CHRM3: variants seen among roughly 807,000 people sequenced by gnomAD.
CHRM3 encodes cholinergic receptor muscarinic 3, also known as muscarinic acetylcholine receptor M3.
In CHRM3, 11 loss-of-function variants were observed where a neutral mutation model predicts 41.8. That is an observed-to-expected ratio of 0.26 (90% CI 0.17 to 0.44). CHRM3 has a LOEUF of 0.44. CHRM3 is among the 20% of genes least tolerant of loss of function. The probability of loss-of-function intolerance (pLI) is 1.00; values close to 1 mark genes in which losing one functional copy is unlikely to be tolerated. For synonymous variants in CHRM3, 297 were observed against 301.4 expected (o/e 0.99, Z 0.15); for missense variants, 571 against 745.4 (o/e 0.77, Z 2.72).
chr1:239,597,208 TC>T (rs1664878190), intron 3 of CHRM3, among the ~76,000 whole-genome samples: 1 of 152,192 alleles, frequency 6.6e-6, no homozygotes, highest in African/African-American at 2.4e-5. Flanking sequence ...TTTAGACATT[TC>T]CTATGAACTG....
At chr1:239,806,001 T>A (rs1356178281) in intron 5 of CHRM3, among the ~76,000 whole-genome samples, 1 of 152,170 alleles carries the variant, frequency 6.6e-6, no homozygotes, top group Admixed American at 6.5e-5. Flanking sequence ...GGAGCTTGAT[T>A]CTGCATTTTG....
intron 5 of CHRM3, among the ~76,000 whole-genome samples, chr1:239,755,618 A>G (rs1351504524): frequency 1.3e-5 from 2 of 152,220 alleles, no homozygotes; most frequent in Admixed American, 6.5e-5. Flanking sequence ...TAATTTAAAA[A>G]TAATTAAGAA....
rs764450828 is a variant in CHRM3 at position 239,615,817 on chromosome 1, C to T, written c.-312-16407C>T. On this transcript the variant is annotated intron_variant, in intron 3 of 6. Transcript: ENST00000676153. ...GGAGGGCAGTCTTTAACACTGAATG[C>T]GGCGGGTGTTTCTTCCTAAAACTTG... Among the ~76,000 whole-genome samples the T allele has an allele frequency of 1.8e-4, 27 of 152,098 alleles. 1 individual carries two copies. Among genetic ancestry groups the T allele is most frequent in the African/African-American group, 3.1e-4 (13 of 41,406 alleles).
chr1:239,588,328 C>G lies in CHRM3; in HGVS notation c.-313+42579C>G, dbSNP rs146293030. On this transcript the variant is annotated intron_variant, in intron 3 of 6. Transcript: ENST00000676153. The stretch of plus-strand genomic sequence containing the variant: ...AGGTAATGTATCTGAAAGTGCTTCT[C>G]TGTATGGGGGTATTTTTATTTTGTT... Among the ~76,000 whole-genome samples the G allele has an allele frequency of 1.0e-3, 158 of 152,202 alleles. 2 individuals are homozygous for G. Among genetic ancestry groups the G allele is most frequent in the Non-Finnish European group, 1.5e-3 (102 of 68,022 alleles).
chr1:239,660,671 C>G (rs917340391), intron 4 of CHRM3, among the ~76,000 whole-genome samples: 2 of 152,016 alleles, frequency 1.3e-5, no homozygotes, highest in African/African-American at 4.8e-5. Context: ...TCACTTGAGG[C>G]CAGGAGTTGG....
chr1:239,759,166 T>TG (rs1321616382), intron 5 of CHRM3, among the ~76,000 whole-genome samples: 1 of 135,486 alleles, frequency 7.4e-6, no homozygotes, highest in African/African-American at 3.2e-5. Context: ...GGTTTTTTTT[T>TG]TTGTTTTTTT....
At chr1:239,539,537 T>A (rs1297738880) in intron 2 of CHRM3, among the ~76,000 whole-genome samples, 1 of 152,222 alleles carries the variant, frequency 6.6e-6, no homozygotes, top group Non-Finnish European at 1.5e-5. Flanking sequence ...CTCATATTTC[T>A]GTACAGTCAT....
At chr1:239,842,446 G>T (rs138252778) in intron 6 of CHRM3, among the ~76,000 whole-genome samples, 1 of 152,094 alleles carries the variant, frequency 6.6e-6, no homozygotes, top group African/African-American at 2.4e-5. Flanking sequence ...TGATGGCCAG[G>T]TTAGTCTCGA....
chr1:239,488,974 T>C (rs866410637), intron 1 of CHRM3, among the ~76,000 whole-genome samples: 3 of 152,190 alleles, frequency 2.0e-5, no homozygotes, highest in Non-Finnish European at 4.4e-5. Flanking sequence ...TTGAAATTTA[T>C]ATCTGTCCAT....
At position 239,417,620 on chromosome 1, in the gene CHRM3, T is replaced by C. The variant is rs537245387; in HGVS notation, c.-521+30393T>C. 1.4e-3 allele frequency among the ~76,000 whole-genome samples: 200 copies of C among 137,976 alleles called. 2 individuals are homozygous for C. The highest frequency in any genetic ancestry group is 5.0e-3 in the African/African-American group (187 of 37,448). 90.5% of individuals were successfully genotyped at this position (137,976 alleles called of 152,430 possible). On this transcript the variant is annotated intron_variant, in intron 1 of 6. Coordinates refer to ENST00000676153, the MANE Select transcript of CHRM3 (RefSeq NM_001375978.1). Reference sequence around the variant, plus strand: ...TTGCTTTTTCTCTTAATTTTGCACCTACATATGTATACGGATTTAGAGTAT... The same window carrying C: ...TTGCTTTTTCTCTTAATTTTGCACCCACATATGTATACGGATTTAGAGTAT...
chr1:239,737,670 A>G (rs1041778296), intron 5 of CHRM3, among the ~76,000 whole-genome samples: 1 of 152,132 alleles, frequency 6.6e-6, no homozygotes, highest in African/African-American at 2.4e-5. Flanking sequence ...AGGGTAGAGC[A>G]ATGTTTTCCA....
At chr1:239,666,230 T>C (rs887092611) in intron 4 of CHRM3, among the ~76,000 whole-genome samples, 4 of 151,920 alleles carry the variant, frequency 2.6e-5, no homozygotes, top group South Asian at 2.1e-4. Flanking sequence ...AGTCTCGCTC[T>C]GTCACCCAGG....
intron 4 of CHRM3, among the ~76,000 whole-genome samples, chr1:239,642,299 T>G (rs1040316667): frequency 4.0e-5 from 6 of 151,578 alleles, no homozygotes; most frequent in African/African-American, 1.5e-4. Context: ...TTTCCTGAAT[T>G]TGAATGTTGG....
Position 239,659,713 on chromosome 1 carries a change from T to G in CHRM3, c.-249-18473T>G, listed in dbSNP as rs192862373. 1.2e-4 allele frequency among the ~76,000 whole-genome samples: 19 copies of G among 152,296 alleles called. No homozygotes were observed. In the South Asian group the frequency reaches 1.5e-3, roughly 12 times the overall value. On this transcript the variant is annotated intron_variant, in intron 4 of 6. Transcript: ENST00000676153. ...ATTTCTTCAACTGAACCACAGAAAG[T>G]TATTTAAGTGTATCTCCCCAACTCT...
rs543056818 is a variant in CHRM3, at chr1:239,902,113, T to A, written c.-19-5320T>A. On this transcript the variant is annotated intron_variant, in intron 6 of 6. Transcript: ENST00000676153. ...TCTCTCTACCAGAGTATTTAAAATC[T>A]ACTTTAAAAAGCAAAAAATGAGGAA... Among the ~76,000 whole-genome samples the A allele has an allele frequency of 2.6e-5, 4 of 152,300 alleles. No homozygotes were observed. In the East Asian group the frequency reaches 5.8e-4, roughly 22 times the overall value.
chr1:239,554,380 G>T (rs12034521), intron 3 of CHRM3, among the ~76,000 whole-genome samples: 11,642 of 152,094 alleles, frequency 0.077, 738 homozygotes, highest in African/African-American at 0.17. Context: ...CAAAGTGCCT[G>T]TCCTTACAGA....
At chr1:239,599,325 T>C (rs1382212498) in intron 3 of CHRM3, among the ~76,000 whole-genome samples, 1 of 152,096 alleles carries the variant, frequency 6.6e-6, no homozygotes, top group African/African-American at 2.4e-5. Flanking sequence ...TGGCTTCTTA[T>C]CCATTGTCAG....
chr1:239,395,233 G>A (rs979391638), intron 1 of CHRM3, among the ~76,000 whole-genome samples: 13 of 151,846 alleles, frequency 8.6e-5, no homozygotes, highest in Non-Finnish European at 1.8e-4. Flanking sequence ...ATACTCTTCC[G>A]TTGCCTCTCC....
At chr1:239,853,902 C>T (rs977115005) in intron 6 of CHRM3, among the ~76,000 whole-genome samples, 1 of 152,020 alleles carries the variant, frequency 6.6e-6, no homozygotes, top group Non-Finnish European at 1.5e-5. Flanking sequence ...AGAACTAAAT[C>T]TCAAAAGAAA....
Sources: allele counts gnomAD v4.1 joint callset (sites outside exome capture counted in the v4.1 genomes callset), GRCh38; gene constraint gnomAD v4.1.1; transcripts MANE v1.5; gene names NCBI Gene and HGNC (gene_info 2026-07-23, HGNC 2026-07-21).